Variants in CRY2 observed in about 807,000 individuals in gnomAD.
CRY2 encodes cryptochrome-2.
CRY2 carries 31 observed loss-of-function variants against 69.5 expected under a neutral mutation model. The observed-to-expected ratio is 0.45, with a 90% CI of 0.34 to 0.60. The LOEUF (loss-of-function observed/expected upper bound fraction) is 0.60. Ranked by LOEUF, CRY2 falls within the 20% of genes least tolerant of loss-of-function variation. The pLI, the probability that CRY2 is intolerant of heterozygous loss-of-function variation, is 0.02. For synonymous variants in CRY2, 303 were observed against 312.2 expected (o/e 0.97, Z 0.31); for missense variants, 606 against 797.8 (o/e 0.76, Z 2.90).
Position 45,862,184 on chromosome 11 carries a change from C to G in CRY2, c.741+36C>G, listed in dbSNP as rs746319132. The G allele has an allele frequency of 6.3e-6, 10 of 1,580,580 alleles. No individual in the cohort carries two copies. In the East Asian group the frequency reaches 2.2e-4, roughly 36 times the overall value. ...TTTCTGAGACACAGAGCTGCAGATA[C>G]TGATATCCACACAGCAGGAGATACA... On this transcript the variant is annotated intron_variant, in intron 5 of 11. Coordinates refer to ENST00000616080, the MANE Select transcript of CRY2 (RefSeq NM_021117.5).
At chr11:45,860,048 G>C (rs1402344197) in intron 3 of CRY2, among the ~76,000 whole-genome samples, 1 of 152,176 alleles carries the variant, frequency 6.6e-6, no homozygotes, top group African/African-American at 2.4e-5. Context: ...TGGGCCTTGC[G>C]TAAGCTACTT....
rs1411969613 is a variant in CRY2, at chr11:45,869,926, T to C, written c.1194+109T>C. 4.0e-6 allele frequency: 6 copies of C among 1,513,880 alleles called. No homozygotes were observed. The African/African-American group carries it at 4.2e-5, about 10-fold the overall frequency. 93.8% of individuals were successfully genotyped at this position (1,513,880 alleles called of 1,614,324 possible). Reference sequence around the variant, plus strand: ...AGGTGGGATTTCTGGGTCCAGGAGATCCCCTCCAGATCCTCTGTGGCTTGC... The same window carrying C: ...AGGTGGGATTTCTGGGTCCAGGAGACCCCCTCCAGATCCTCTGTGGCTTGC... On this transcript the variant is annotated intron_variant, in intron 7 of 11. Coordinates refer to ENST00000616080, the MANE Select transcript of CRY2 (RefSeq NM_021117.5).
intron 1 of CRY2, among the ~76,000 whole-genome samples, chr11:45,848,711 C>T (rs186789660): frequency 8.8e-4 from 134 of 152,316 alleles, no homozygotes; most frequent in African/African-American, 3.1e-3. Context: ...GGTTTGTTTG[C>T]ATTGTTCTGG....
At chr11:45,854,579 C>T (rs1347120398) in intron 1 of CRY2, among the ~76,000 whole-genome samples, 3 of 152,278 alleles carry the variant, frequency 2.0e-5, no homozygotes, top group Middle Eastern at 3.4e-3. Flanking sequence ...ACCCCAGCTA[C>T]TCGGAAAGCT....
intron 1 of CRY2, among the ~76,000 whole-genome samples, chr11:45,855,530 A>T (rs1282929410): frequency 6.6e-6 from 1 of 152,220 alleles, no homozygotes; most frequent in African/African-American, 2.4e-5. Context: ...GCAGATACTT[A>T]TATCTAGCCC....
At chr11:45,847,235 G>A (rs752586201), upstream of CRY2, 6 of 1,551,012 alleles carry the variant, frequency 3.9e-6, no homozygotes, top group African/African-American at 8.2e-5. Flanking sequence ...GCCCCAGCCT[G>A]CGTCACTTGT....
In CRY2 at chr11:45,847,710, G is replaced by A; in HGVS notation, c.215+5G>A. ...AGTCGGGATCAACCGATGGAGGTGA[G>A]GGGACCCGGGGCTGGGTGGCGGGGA... On this transcript the variant is annotated splice_donor_5th_base_variant and intron_variant, in intron 1 of 11. Coordinates refer to ENST00000616080, the MANE Select transcript of CRY2 (RefSeq NM_021117.5). 2 of 1,555,496 alleles carry A rather than the reference G, an allele frequency of 1.3e-6. No homozygotes were observed. The highest frequency in any genetic ancestry group is 1.7e-6 in the Non-Finnish European group (2 of 1,149,522).
At position 45,867,617 on chromosome 11, in the gene CRY2, G is replaced by A. The variant is rs976771919; in HGVS notation, c.747G>A (p.Trp249Ter). ...ACCTTCTCTTTCTGCTGTAGGCCTG[G>A]GTTGCCAACTATGAGAGACCCCGAA... is the stretch of plus-strand genomic sequence containing the variant. Reference protein sequence around the residue: ...RLDKHLERKAWVANYERPRMN... With the variant: ...RLDKHLERKA Residue 249 changes from tryptophan to a stop codon, truncating the protein, a stop_gained, in exon 6 of 12, where the codon TGG becomes TGA. Coordinates refer to ENST00000616080, the MANE Select transcript of CRY2 (RefSeq NM_021117.5). LOFTEE classifies it high-confidence loss of function. The A allele has an allele frequency of 1.2e-6, 2 of 1,614,102 alleles. No individual in the cohort carries two copies. Among genetic ancestry groups the A allele is most frequent in the South Asian group, 2.2e-5 (2 of 91,074 alleles).
chr11:45,855,020 GA>G (rs1193168933), intron 1 of CRY2, among the ~76,000 whole-genome samples: 1 of 152,176 alleles, frequency 6.6e-6, no homozygotes, highest in African/African-American at 2.4e-5. Context: ...TGAGCCACAT[GA>G]ATAGTTTATC....
chr11:45,848,194 A>C lies in CRY2; in HGVS notation c.215+489A>C, dbSNP rs1590759358. ...CCTCTGGCTCGTTTGAATCCGCCCT[A>C]CCACCCATCCTGGCTACCCTGCACC... On this transcript the variant is annotated intron_variant, in intron 1 of 11. Coordinates refer to ENST00000616080, the MANE Select transcript of CRY2 (RefSeq NM_021117.5). Among the ~76,000 whole-genome samples the C allele has an allele frequency of 4.6e-5, 7 of 152,260 alleles. No homozygotes were observed. In the South Asian group the frequency reaches 1.5e-3, roughly 32 times the overall value.
rs189159543 is a variant in CRY2, at chr11:45,849,996, G to C, written c.215+2291G>C. 7.1e-3 allele frequency among the ~76,000 whole-genome samples: 916 copies of C among 128,196 alleles called. 13 individuals are homozygous for C. Among genetic ancestry groups the C allele is most frequent in the Middle Eastern group, 0.025 (6 of 242 alleles). 84.1% of individuals were successfully genotyped at this position (128,196 alleles called of 152,430 possible). A position where few individuals can be genotyped will look rare whatever the true frequency, so the allele number is the denominator to read the frequency against. On this transcript the variant is annotated intron_variant, in intron 1 of 11. Coordinates refer to ENST00000616080, the MANE Select transcript of CRY2 (RefSeq NM_021117.5). ...TTAAGGTTTGGGGATTTTTTGTTTT[G>C]TTTTGTTTTTTGTTTTTTTTTTTTT...
chr11:45,847,708 G>C lies in CRY2; in HGVS notation c.215+3G>C. The C allele has an allele frequency of 6.4e-7, 1 of 1,558,596 alleles. No homozygotes were observed. The highest frequency in any genetic ancestry group is 8.7e-7 in the Non-Finnish European group (1 of 1,151,246). ...TCAGTCGGGATCAACCGATGGAGGT[G>C]AGGGGACCCGGGGCTGGGTGGCGGG... On this transcript the variant is annotated splice_donor_region_variant and intron_variant, in intron 1 of 11. Coordinates refer to ENST00000616080, the MANE Select transcript of CRY2 (RefSeq NM_021117.5).
rs566595314 is a variant in CRY2, at chr11:45,872,942, G to A, written c.*2+709G>A. ...AGAAGCCTGGACAGAGGGCTGTGCT[G>A]TGTCTTACTTGGCCCAGCCCTGCCT... On this transcript the variant is annotated intron_variant, in intron 11 of 11. Transcript: ENST00000616080. Among the ~76,000 whole-genome samples the A allele has an allele frequency of 1.1e-4, 16 of 152,304 alleles. No individual in the cohort carries two copies. The East Asian group carries it at 1.9e-3, about 18-fold the overall frequency.
rs116382661 is a variant in CRY2, at chr11:45,865,364, G to A, written c.742-2248G>A. Among the ~76,000 whole-genome samples, 1,460 of 152,270 alleles carry A rather than the reference G, an allele frequency of 9.6e-3. 31 individuals are homozygous for A. The highest frequency in any genetic ancestry group is 0.032 in the African/African-American group (1,340 of 41,552). Reference sequence around the variant, plus strand: ...TCCCAAACCTTGGTGGCTATTGCGTGGATGTTTGCCTTAGAATAATTCATT... The same window carrying A: ...TCCCAAACCTTGGTGGCTATTGCGTAGATGTTTGCCTTAGAATAATTCATT... On this transcript the variant is annotated intron_variant, in intron 5 of 11. Transcript: ENST00000616080.
At position 45,847,650 on chromosome 11, in the gene CRY2, T is replaced by C. The variant is rs1276689205; in HGVS notation, c.160T>C (p.Tyr54His). The change falls in exon 1 of 12, where the codon TAC (tyrosine) becomes CAC (histidine). Residue 54 changes from tyrosine (Y) to histidine (H), a missense_variant. Tyr to His is a moderately conservative substitution (Grantham distance 83, BLOSUM62 2). Around this residue, in one of 5 missense-constraint regions of CRY2, gnomAD observed 382 missense variants for 508.9 expected, o/e 0.75. Transcript: ENST00000616080. ...CGGGGCGCGCTGCGTGCGCTGCGTT[T>C]ACATTCTCGACCCGTGGTTCGCGGC... ...VRGARCVRCV[Y>H]ILDPWFAASS... The C allele has an allele frequency of 1.2e-5, 19 of 1,598,224 alleles. No individual in the cohort carries two copies. In the Admixed American group the frequency reaches 3.3e-4, roughly 28 times the overall value.
intron 1 of CRY2, 75 bp downstream of exon 1, chr11:45,847,780 T>C (rs1050829247): frequency 4.1e-6 from 6 of 1,458,678 alleles, no homozygotes; most frequent in Middle Eastern, 2.1e-4. Flanking sequence ...AACAGCACGA[T>C]CCCCCCAACC....
At chr11:45,857,131 C>T (rs920580423) in intron 2 of CRY2, among the ~76,000 whole-genome samples, 1 of 152,154 alleles carries the variant, frequency 6.6e-6, no homozygotes, top group Non-Finnish European at 1.5e-5. Context: ...TTCCCCTCCC[C>T]GTAACCCCAC....
intron 6 of CRY2, among the ~76,000 whole-genome samples, chr11:45,868,598 C>T (rs192376658): frequency 2.0e-3 from 308 of 151,984 alleles, no homozygotes; most frequent in African/African-American, 7.0e-3. Context: ...GGATTACAGC[C>T]GTGAGCCACC....
intron 5 of CRY2, among the ~76,000 whole-genome samples, chr11:45,862,815 G>A (rs1296055560): frequency 3.9e-5 from 6 of 152,160 alleles, no homozygotes; most frequent in Non-Finnish European, 8.8e-5. Context: ...GTGAGAACTG[G>A]GGAGGAAAGA....
Sources: allele counts gnomAD v4.1 joint callset (sites outside exome capture counted in the v4.1 genomes callset), GRCh38; gene constraint gnomAD v4.1.1; regional missense constraint gnomAD v4.1.1; transcripts MANE v1.5; gene names NCBI Gene and HGNC (gene_info 2026-07-23, HGNC 2026-07-21).